The following HDAC9 variants were observed in gnomAD, a reference collection of about 807,000 sequenced individuals.
HDAC9 encodes MEF-2 interacting transcription repressor (MITR) protein.
Under a neutral mutation model 139.4 loss-of-function variants are expected in HDAC9, and 41 were observed. That is an observed-to-expected ratio of 0.29 (90% CI 0.23 to 0.38). The LOEUF is 0.38. HDAC9 is among the 10% of genes least tolerant of loss of function. The pLI, the probability that HDAC9 is intolerant of heterozygous loss-of-function variation, is 1.00. For synonymous variants in HDAC9, 517 were observed against 476.2 expected (o/e 1.09, Z -1.12); for missense variants, 1,147 against 1,297.0 (o/e 0.88, Z 1.78).
At chr7:18,577,742 A>G (rs953717379) in intron 2 of HDAC9, among the ~76,000 whole-genome samples, 4 of 152,192 alleles carry the variant, frequency 2.6e-5, no homozygotes, top group African/African-American at 9.7e-5. Context: ...CATAGTGTAA[A>G]AGGCAGGAAG....
intron 6 of HDAC9, among the ~76,000 whole-genome samples, chr7:18,624,601 G>A (rs747879564): frequency 1.3e-5 from 2 of 152,016 alleles, no homozygotes; most frequent in African/African-American, 4.8e-5. Context: ...CCCAGCTAGT[G>A]ATCTTTTTCT....
intron 2 of HDAC9, among the ~76,000 whole-genome samples, chr7:18,576,570 G>A (rs927922114): frequency 6.6e-6 from 1 of 151,042 alleles, no homozygotes; most frequent in African/African-American, 2.4e-5. Context: ...GCTGATGCAG[G>A]AGAATGACTT....
chr7:18,187,228 A>G (rs1233973645), intron 2 of HDAC9, among the ~76,000 whole-genome samples: 4 of 152,222 alleles, frequency 2.6e-5, no homozygotes. Flanking sequence ...AAAGTGTTAC[A>G]TATAATCTCA....
intron 2 of HDAC9, among the ~76,000 whole-genome samples, chr7:18,253,439 G>A (rs541325495): frequency 2.6e-5 from 4 of 152,008 alleles, no homozygotes; most frequent in Admixed American, 2.0e-4. Flanking sequence ...TTTTATAATA[G>A]CCATTCTTAA....
intron 12 of HDAC9, among the ~76,000 whole-genome samples, chr7:18,718,646 A>C (rs1784897705): frequency 6.6e-6 from 1 of 152,178 alleles, no homozygotes; most frequent in Admixed American, 6.5e-5. Context: ...TTTATGGATA[A>C]AGCGTAATTT....
chr7:18,846,908 G>A (rs1438181469), intron 21 of HDAC9, among the ~76,000 whole-genome samples: 2 of 152,156 alleles, frequency 1.3e-5, no homozygotes, highest in African/African-American at 4.8e-5. Context: ...ATGAAATCCA[G>A]AAGGCCTTGG....
chr7:18,652,376 A>G (rs1437962985), intron 11 of HDAC9, among the ~76,000 whole-genome samples: 2 of 152,116 alleles, frequency 1.3e-5, no homozygotes, highest in African/African-American at 4.8e-5. Context: ...AAGTTTAAAT[A>G]TTACCACAGG....
chr7:18,808,601 A>G (rs1793922207), intron 17 of HDAC9, among the ~76,000 whole-genome samples: 1 of 152,138 alleles, frequency 6.6e-6, no homozygotes, highest in Non-Finnish European at 1.5e-5. Context: ...AGGAGATAAA[A>G]AATTTGCATA....
chr7:18,653,793 G>T (rs1790154762), intron 11 of HDAC9, among the ~76,000 whole-genome samples: 1 of 152,124 alleles, frequency 6.6e-6, no homozygotes, highest in Non-Finnish European at 1.5e-5. Flanking sequence ...GCTTTTGGAA[G>T]AGAATTTGAC....
intron 6 of HDAC9, among the ~76,000 whole-genome samples, chr7:18,604,697 A>G (rs1162684790): frequency 6.6e-6 from 1 of 151,928 alleles, no homozygotes; most frequent in Admixed American, 6.6e-5. Flanking sequence ...CCGCGCCCGG[A>G]TAAGACCTTT....
chr7:18,797,151 T>G (rs1792872283), intron 17 of HDAC9, among the ~76,000 whole-genome samples: 1 of 152,322 alleles, frequency 6.6e-6, no homozygotes, highest in South Asian at 2.1e-4. Context: ...GGATACTGGC[T>G]CAAAGACATT....
At chr7:18,099,006 G>T (rs1782683689) in intron 1 of HDAC9, among the ~76,000 whole-genome samples, 1 of 152,148 alleles carries the variant, frequency 6.6e-6, no homozygotes, top group African/African-American at 2.4e-5. Context: ...ATTCTTGACA[G>T]GTTGGGGAAA....
chr7:18,860,447 G>A (rs1004790463), intron 21 of HDAC9, among the ~76,000 whole-genome samples: 3 of 152,152 alleles, frequency 2.0e-5, no homozygotes, highest in Non-Finnish European at 2.9e-5. Context: ...AAAGATACAT[G>A]TTGCAGGGGC....
chr7:18,298,837 C>T (rs1236377683), intron 1 of HDAC9, among the ~76,000 whole-genome samples: 1 of 151,928 alleles, frequency 6.6e-6, no homozygotes, highest in African/African-American at 2.4e-5. Context: ...TATGAATTTA[C>T]CTATAGGAAA....
At chr7:18,882,702 A>G (rs1186818830) in intron 22 of HDAC9, among the ~76,000 whole-genome samples, 1 of 151,968 alleles carries the variant, frequency 6.6e-6, no homozygotes, top group Non-Finnish European at 1.5e-5. Context: ...CAACCTATGT[A>G]ATAAATGATT....
chr7:18,206,568 G>A (rs961836830), intron 2 of HDAC9, among the ~76,000 whole-genome samples: 2 of 152,100 alleles, frequency 1.3e-5, no homozygotes, highest in African/African-American at 4.8e-5. Flanking sequence ...GGGGATGTGG[G>A]GGAGGGTGAA....
At chr7:18,257,777 T>C (rs1584883268) in intron 2 of HDAC9, among the ~76,000 whole-genome samples, 1 of 152,218 alleles carries the variant, frequency 6.6e-6, no homozygotes, top group East Asian at 1.9e-4. Context: ...AGAAAACTTG[T>C]TTTAGTACTT....
intron 1 of HDAC9, among the ~76,000 whole-genome samples, chr7:18,427,021 G>A (rs2128757365): frequency 6.6e-6 from 1 of 151,806 alleles, no homozygotes; most frequent in South Asian, 2.1e-4. Flanking sequence ...ATGAAATATT[G>A]GCAATGTATG....
rs544468308 is a variant in HDAC9, at chr7:18,853,995, A to C, written c.2684+17998A>C. Among the ~76,000 whole-genome samples, 8 of 152,316 alleles carry C rather than the reference A, an allele frequency of 5.3e-5. No individual in the cohort carries two copies. The South Asian group carries it at 1.7e-3, about 32-fold the overall frequency. On this transcript the variant is annotated intron_variant, in intron 21 of 25. Transcript: ENST00000686413. ...AAGTGGAATTAGCCAAGGAAAATGT[A>C]GTTCACTTGCTTGGAACATAGTGAC...
Sources: gnomAD v4.1 joint callset for allele counts (sites outside exome capture counted in the v4.1 genomes callset) on GRCh38, gnomAD v4.1.1 for gene constraint, MANE v1.5 for transcripts, NCBI Gene and HGNC (gene_info 2026-07-23, HGNC 2026-07-21) for gene names.